The following NCKAP5 variants were observed in gnomAD, a reference collection of about 807,000 sequenced individuals.
NCKAP5 encodes the protein NCK associated protein 5, also known as nck-associated protein 5.
NCKAP5 carries 92 observed loss-of-function variants against 167.0 expected under a neutral mutation model. That is an observed-to-expected ratio of 0.55 (90% confidence interval 0.47 to 0.66). NCKAP5 has a LOEUF of 0.66. Among genes scored for constraint, NCKAP5 ranks in the 30% least tolerant of loss-of-function variants. The pLI is 0.00. For synonymous variants in NCKAP5, 891 were observed against 877.4 expected, an observed-to-expected ratio of 1.02 and a Z score of -0.27; for missense variants, 2,378 against 2,315.0, an observed-to-expected ratio of 1.03 and a Z score of -0.56.
chr2:132,737,215 C>T (rs1368606265), intron 16 of NCKAP5, among the ~76,000 whole-genome samples: 2 of 152,198 alleles, frequency 1.3e-5, no homozygotes, highest in African/African-American at 4.8e-5. Context: ...ACCTGGAACC[C>T]ATTCAGAGCA....
In NCKAP5 at chr2:132,785,067, T is replaced by C; in HGVS notation, c.1744A>G (p.Thr582Ala). ...RMALNLQLSD[T>A]DDNETFDELH... ...TCATCAAACGTTTCATTGTCATCAGTGTCTGAAAGCTGGAGGTTGAGAGCC... is the reference window on the plus strand; with the variant it reads ...TCATCAAACGTTTCATTGTCATCAGCGTCTGAAAGCTGGAGGTTGAGAGCC... Residue 582 changes from threonine (T) to alanine (A), a missense_variant, in exon 14 of 20, where the codon ACT becomes GCT. This residue lies in a region of NCKAP5 where 1,049 missense variants were observed against 1,023.4 expected (regional missense o/e 1.02). Transcript: ENST00000409261. 1.2e-6 allele frequency: 2 copies of C among 1,614,084 alleles called. No homozygotes were observed. The highest frequency in any genetic ancestry group is 1.7e-5 in the Admixed American group (1 of 60,032).
At chr2:133,071,617 G>A (rs1212710094) in intron 6 of NCKAP5, among the ~76,000 whole-genome samples, 1 of 152,206 alleles carries the variant, frequency 6.6e-6, no homozygotes, top group African/African-American at 2.4e-5. Flanking sequence ...AGATTTCTGA[G>A]ATTCTCTGAG....
chr2:133,641,131 T>C, the NCKAP5 span, among the ~76,000 whole-genome samples: 508 of 152,324 alleles, frequency 3.3e-3, 2 homozygotes, highest in African/African-American at 0.012. Flanking sequence ...CATAATTATG[T>C]GCATCTCTGT....
chr2:133,546,502 A>G (rs749895541), intron 2 of NCKAP5, among the ~76,000 whole-genome samples: 5 of 152,136 alleles, frequency 3.3e-5, no homozygotes, highest in Non-Finnish European at 5.9e-5. Context: ...ATAGAGTTTC[A>G]AGGGATATCA....
At chr2:133,082,583 C>T (rs2080846556) in intron 6 of NCKAP5, among the ~76,000 whole-genome samples, 1 of 152,092 alleles carries the variant, frequency 6.6e-6, no homozygotes, top group Non-Finnish European at 1.5e-5. Context: ...TCTTTCTTAC[C>T]CACTTCTGCC....
intron 5 of NCKAP5, among the ~76,000 whole-genome samples, chr2:133,154,624 C>A (rs1275510666): frequency 6.6e-6 from 1 of 152,236 alleles, no homozygotes; most frequent in Non-Finnish European, 1.5e-5. Flanking sequence ...TCATTAGACA[C>A]ACTCTCTGGA....
chr2:133,003,244 C>T (rs1019950524), intron 6 of NCKAP5, among the ~76,000 whole-genome samples: 1 of 152,122 alleles, frequency 6.6e-6, no homozygotes, highest in Non-Finnish European at 1.5e-5. Context: ...TTTTGCATTG[C>T]CTCCCATATA....
At chr2:132,922,494 A>G (rs1695521476) in intron 8 of NCKAP5, among the ~76,000 whole-genome samples, 1 of 152,222 alleles carries the variant, frequency 6.6e-6, no homozygotes, top group Non-Finnish European at 1.5e-5. Context: ...CAAACCCATT[A>G]GCTTGGCACC....
At chr2:132,901,196 A>C (rs1480274407) in intron 8 of NCKAP5, among the ~76,000 whole-genome samples, 1 of 152,166 alleles carries the variant, frequency 6.6e-6, no homozygotes, top group Admixed American at 6.5e-5. Flanking sequence ...AATTATTGGG[A>C]GAGACAAACT....
Position 133,303,174 on chromosome 2 carries a change from G to GA in NCKAP5, c.70-65dup, listed in dbSNP as rs1680524665. The GA allele has an allele frequency of 2.0e-5, 22 of 1,116,300 alleles. 1 individual carries two copies. In the South Asian group the frequency reaches 2.9e-4, roughly 15 times the overall value. 69.1% of individuals were successfully genotyped at this position (1,116,300 alleles called of 1,614,324 possible). A position where few individuals can be genotyped will look rare whatever the true frequency, so the allele number is the denominator to read the frequency against. Reference sequence around the variant, plus strand: ...ACAGTCCCCACCATCCTAAGACCCTGACCTTATCTCTACAAGGAGTATTTT... The same window carrying GA: ...ACAGTCCCCACCATCCTAAGACCCTGAACCTTATCTCTACAAGGAGTATTTT... On this transcript the variant is annotated intron_variant, in intron 3 of 19. Coordinates refer to ENST00000409261, the MANE Select transcript of NCKAP5 (RefSeq NM_207363.3).
chr2:133,241,589 G>A (rs1008158221), intron 4 of NCKAP5, among the ~76,000 whole-genome samples: 6 of 152,122 alleles, frequency 3.9e-5, no homozygotes, highest in African/African-American at 1.4e-4. Context: ...GACTGTCTAT[G>A]GTAACCTTCC....
chr2:133,007,648 G>T (rs1384601696), intron 6 of NCKAP5, among the ~76,000 whole-genome samples: 1 of 152,088 alleles, frequency 6.6e-6, no homozygotes, highest in East Asian at 1.9e-4. Flanking sequence ...TGGGTAGGGG[G>T]TCTATGTCCT....
At chr2:133,521,348 C>T (rs1056140447) in intron 2 of NCKAP5, among the ~76,000 whole-genome samples, 45 of 152,336 alleles carry the variant, frequency 3.0e-4, no homozygotes, top group African/African-American at 1.0e-3. Flanking sequence ...TGCTGACCAG[C>T]AAATATCAGT....
intron 6 of NCKAP5, among the ~76,000 whole-genome samples, chr2:133,056,385 C>T (rs2079802014): frequency 6.6e-6 from 1 of 152,076 alleles, no homozygotes; most frequent in Admixed American, 6.5e-5. Flanking sequence ...CTCCACTGCA[C>T]CCAGAATGGT....
intron 5 of NCKAP5, among the ~76,000 whole-genome samples, chr2:133,165,631 T>C (rs752343398): frequency 2.0e-5 from 3 of 152,160 alleles, no homozygotes; most frequent in Non-Finnish European, 4.4e-5. Flanking sequence ...TGTCCAGTGC[T>C]GACAACAGAG....
At chr2:133,391,533 T>C (rs1428611937) in intron 3 of NCKAP5, 1 of 152,080 alleles carries the variant, frequency 6.6e-6, no homozygotes, top group African/African-American at 2.4e-5. Context: ...TGTTTTAACT[T>C]CCCACTGAGT....
At chr2:133,044,912 G>A (rs2079339192) in intron 6 of NCKAP5, among the ~76,000 whole-genome samples, 1 of 151,948 alleles carries the variant, frequency 6.6e-6, no homozygotes. Flanking sequence ...AAAGTTAGCT[G>A]AGTGTGTTGG....
At chr2:133,488,635 C>T (rs1469467689) in intron 3 of NCKAP5, among the ~76,000 whole-genome samples, 1 of 152,044 alleles carries the variant, frequency 6.6e-6, no homozygotes, top group East Asian at 1.9e-4. Context: ...GAGTTTGAGA[C>T]CAGCCTGGGC....
chr2:133,206,229 A>G (rs1460943487), intron 5 of NCKAP5, among the ~76,000 whole-genome samples: 1 of 152,204 alleles, frequency 6.6e-6, no homozygotes, highest in Non-Finnish European at 1.5e-5. Flanking sequence ...TTTTAAAAAA[A>G]TTATAAACTA....
Sources: gnomAD v4.1 joint callset for allele counts (sites outside exome capture counted in the v4.1 genomes callset) on GRCh38, gnomAD v4.1.1 for gene constraint, gnomAD v4.1.1 regional missense constraint, MANE v1.5 for transcripts, NCBI Gene and HGNC (gene_info 2026-07-23, HGNC 2026-07-21) for gene names.